Variants in KLF7 observed in about 807,000 individuals in gnomAD.
The protein encoded by KLF7 is Krueppel-like factor 7.
A neutral mutation model predicts 27.3 loss-of-function variants in KLF7; 2 were observed. That is an observed-to-expected ratio of 0.07 (90% CI 0.03 to 0.23). The LOEUF (loss-of-function observed/expected upper bound fraction) is 0.23. KLF7 is among the 10% of genes least tolerant of loss of function. KLF7 has a pLI of 1.00. For missense variants in KLF7, 221 were observed against 394.1 expected, an observed-to-expected ratio of 0.56 and a Z score of 3.72; for synonymous variants, 165 against 162.4, an observed-to-expected ratio of 1.02 and a Z score of -0.12.
intron 2 of KLF7, among the ~76,000 whole-genome samples, chr2:207,117,660 AC>A (rs1416962315): frequency 6.6e-6 from 1 of 152,110 alleles, no homozygotes; most frequent in African/African-American, 2.4e-5. Flanking sequence ...TGGTTGATGA[AC>A]CCCCTACAGT....
intron 2 of KLF7, among the ~76,000 whole-genome samples, chr2:207,092,458 C>G (rs910098380): frequency 2.0e-5 from 3 of 152,228 alleles, no homozygotes; most frequent in African/African-American, 7.2e-5. Flanking sequence ...CCCTAGGATA[C>G]TTGTTTCCCT....
intron 1 of KLF7, among the ~76,000 whole-genome samples, chr2:207,130,632 T>C (rs2077605438): frequency 6.6e-6 from 1 of 152,188 alleles, no homozygotes; most frequent in Non-Finnish European, 1.5e-5. Context: ...ACTACAACCA[T>C]GTTTAGTTGG....
At chr2:207,142,078 G>A (rs891492983) in intron 1 of KLF7, among the ~76,000 whole-genome samples, 1 of 152,060 alleles carries the variant, frequency 6.6e-6, no homozygotes, top group Non-Finnish European at 1.5e-5. Context: ...AGAGGCAAGA[G>A]CTCTGACAAA....
intron 2 of KLF7, among the ~76,000 whole-genome samples, chr2:207,089,502 C>T (rs1158165780): frequency 6.6e-6 from 1 of 152,060 alleles, no homozygotes; most frequent in Non-Finnish European, 1.5e-5. Flanking sequence ...AATATTTACC[C>T]TTCCAACTGT....
chr2:207,140,754 A>AT (rs1267233184), intron 1 of KLF7, among the ~76,000 whole-genome samples: 4 of 152,206 alleles, frequency 2.6e-5, no homozygotes, highest in African/African-American at 9.7e-5. Flanking sequence ...AACAGACTAA[A>AT]AAGAAGGGTG....
intron 1 of KLF7, among the ~76,000 whole-genome samples, chr2:207,159,554 T>C (rs1276058751): frequency 2.0e-5 from 3 of 152,214 alleles, no homozygotes; most frequent in African/African-American, 7.2e-5. Flanking sequence ...CAATTTTGCA[T>C]TGCCCAAATA....
chr2:207,124,339 C>T lies in KLF7; in HGVS notation c.168G>A (p.Glu56=). 2.5e-6 allele frequency: 4 copies of T among 1,606,370 alleles called. No individual in the cohort carries two copies. The highest frequency in any genetic ancestry group is 3.4e-6 in the Non-Finnish European group (4 of 1,174,092). ...EPRRISETFG[E]DLDCFLHASP... ...AAGCGTGGAGGAAACAGTCCAAGTCCTCACCAAAGGTCTCTGAGATCCTCC... is the reference window on the plus strand; with the variant it reads ...AAGCGTGGAGGAAACAGTCCAAGTCTTCACCAAAGGTCTCTGAGATCCTCC... The change falls in exon 2 of 4, where the codon GAG becomes GAA. Residue 56 remains glutamate, a synonymous_variant. Coordinates refer to ENST00000309446, the MANE Select transcript of KLF7 (RefSeq NM_003709.4).
At chr2:207,102,289 C>G (rs1487209490) in intron 2 of KLF7, among the ~76,000 whole-genome samples, 1 of 152,018 alleles carries the variant, frequency 6.6e-6, no homozygotes, top group African/African-American at 2.4e-5. Flanking sequence ...TTTGTCTGTA[C>G]TGAACTCACA....
intron 1 of KLF7, among the ~76,000 whole-genome samples, chr2:207,144,330 T>C (rs1035590861): frequency 6.6e-6 from 1 of 152,230 alleles, no homozygotes; most frequent in African/African-American, 2.4e-5. Context: ...CTCCTTCATC[T>C]GCAGTCACAA....
chr2:207,156,687 T>C (rs370201395), intron 1 of KLF7, among the ~76,000 whole-genome samples: 3 of 152,324 alleles, frequency 2.0e-5, no homozygotes, highest in African/African-American at 7.2e-5. Context: ...CAGACTGCCT[T>C]AGACACTTTA....
At position 207,081,176 on chromosome 2, in the gene KLF7, C is replaced by G. The variant is rs375158556; in HGVS notation, c.*37G>C. On this transcript the variant is annotated 3_prime_UTR_variant, in exon 4 of 4. Transcript: ENST00000309446. ...TGCCTCATGGCGTTTCCTTTAGACA[C>G]TAGCCGATGCCATGGCAACTCTGGC... 8.1e-6 allele frequency: 13 copies of G among 1,600,966 alleles called. No homozygotes were observed. In the African/African-American group the frequency reaches 1.7e-4, roughly 21 times the overall value.
chr2:207,087,949 C>A (rs1197243767), intron 3 of KLF7, among the ~76,000 whole-genome samples: 4 of 152,110 alleles, frequency 2.6e-5, no homozygotes, highest in East Asian at 3.9e-4. Context: ...TGATCTGGGC[C>A]CCCAAAGAAT....
chr2:207,136,059 A>AT (rs955762722), intron 1 of KLF7, among the ~76,000 whole-genome samples: 19 of 152,158 alleles, frequency 1.2e-4, no homozygotes, highest in African/African-American at 2.7e-4. Flanking sequence ...TTCAACTGTC[A>AT]TTTTTTATTG....
chr2:207,167,135 C>T (rs1404023142), upstream of KLF7: 2 of 1,440,700 alleles, frequency 1.4e-6, no homozygotes, highest in Admixed American at 5.1e-5. Context: ...CGTGATGAGG[C>T]TCACCATGGG....
chr2:207,150,350 A>G (rs928669685), intron 1 of KLF7, among the ~76,000 whole-genome samples: 1 of 152,210 alleles, frequency 6.6e-6, no homozygotes, highest in Non-Finnish European at 1.5e-5. Context: ...CCAGTAGGAA[A>G]TTTTTCAAAG....
chr2:207,141,390 C>T (rs1256007435), intron 1 of KLF7, among the ~76,000 whole-genome samples: 2 of 151,878 alleles, frequency 1.3e-5, no homozygotes, highest in East Asian at 3.9e-4. Context: ...TAAAAGGTAA[C>T]ACATCTTCCC....
intron 2 of KLF7, among the ~76,000 whole-genome samples, chr2:207,089,227 G>T (rs550124239): frequency 1.1e-4 from 17 of 152,346 alleles, no homozygotes; most frequent in African/African-American, 3.8e-4. Context: ...TATCACAAAA[G>T]TCTGAGTTAG....
chr2:207,107,232 C>G (rs2076904264), intron 2 of KLF7, among the ~76,000 whole-genome samples: 1 of 152,204 alleles, frequency 6.6e-6, no homozygotes, highest in Non-Finnish European at 1.5e-5. Context: ...GAGAACCAAA[C>G]AGCACCCCAC....
chr2:207,139,894 T>C (rs553679180), intron 1 of KLF7, among the ~76,000 whole-genome samples: 2 of 152,336 alleles, frequency 1.3e-5, no homozygotes, highest in South Asian at 4.1e-4. Flanking sequence ...TTTTTTTCTT[T>C]TCTGAGACAA....
Sources: gnomAD v4.1 joint callset for allele counts (sites outside exome capture counted in the v4.1 genomes callset) on GRCh38, gnomAD v4.1.1 for gene constraint, MANE v1.5 for transcripts, NCBI Gene and HGNC (gene_info 2026-07-23, HGNC 2026-07-21) for gene names.